The following TUT4 variants were observed in gnomAD, a reference collection of about 807,000 sequenced individuals.
TUT4 encodes the protein terminal uridylyl transferase 4, also known as terminal uridylyltransferase 4.
TUT4 carries 36 observed loss-of-function variants against 192.2 expected under a neutral mutation model. The ratio of observed to expected loss-of-function variants is 0.19; its 90% CI spans 0.14 to 0.25. TUT4 has a LOEUF of 0.25. Among genes scored for constraint, TUT4 ranks in the 10% least tolerant of loss-of-function variants. The pLI is 1.00. For missense variants in TUT4, 1,493 were observed against 1,957.2 expected (o/e 0.76, Z 4.47); for synonymous variants, 618 against 666.0 (o/e 0.93, Z 1.11).
rs182154845 is a variant in TUT4, at chr1:52,482,080, T to C, written c.1516-157A>G. ...AAATATCATCACTCTAAAATAACCA[T>C]TAAAATGTTGATGATCATTTTTTTC... On this transcript the variant is annotated intron_variant, in intron 9 of 29. Coordinates refer to ENST00000257177, the MANE Select transcript of TUT4 (RefSeq NM_001009881.3). 9.3e-4 allele frequency among the ~76,000 whole-genome samples: 141 copies of C among 152,310 alleles called. 3 individuals are homozygous for C. In the East Asian group the frequency reaches 0.018, roughly 19 times the overall value.
chr1:52,519,486 T>C (rs548049066), intron 2 of TUT4, among the ~76,000 whole-genome samples: 2 of 152,200 alleles, frequency 1.3e-5, no homozygotes, highest in South Asian at 2.1e-4. Context: ...ACTGAACACT[T>C]AATACTTAGA....
rs534101899 is a variant in TUT4, at chr1:52,488,894, C to G, written c.1515+15G>C. The G allele has an allele frequency of 8.4e-5, 133 of 1,585,910 alleles. 4 individuals carry two copies. The South Asian group carries it at 1.5e-3, about 18-fold the overall frequency. On this transcript the variant is annotated intron_variant, in intron 9 of 29. Transcript: ENST00000257177. Reference sequence around the variant, plus strand: ...CTAAAAATATAAATAAGTAGTTTTCCTCTCTTTCACTTACCTTAGCCCAGT... The same window carrying G: ...CTAAAAATATAAATAAGTAGTTTTCGTCTCTTTCACTTACCTTAGCCCAGT...
intron 24 of TUT4, among the ~76,000 whole-genome samples, chr1:52,444,436 C>G (rs544394190): frequency 6.6e-6 from 1 of 152,008 alleles, no homozygotes; most frequent in East Asian, 1.9e-4. Flanking sequence ...TATTCTACCC[C>G]CAAGAAATAA....
chr1:52,457,204 T>C (rs1467138573), intron 20 of TUT4, among the ~76,000 whole-genome samples: 4 of 152,086 alleles, frequency 2.6e-5, no homozygotes, highest in African/African-American at 9.7e-5. Flanking sequence ...ACCTACTATA[T>C]GGCTTATAAT....
rs201375175 is a variant in TUT4, at chr1:52,468,250, A to T, written c.2896T>A (p.Cys966Ser). 83 of 1,602,428 alleles carry T rather than the reference A, an allele frequency of 5.2e-5. No homozygotes were observed. The highest frequency in any genetic ancestry group is 6.8e-5 in the Non-Finnish European group (80 of 1,177,434). The change falls in exon 15 of 30, where the codon TGT (cysteine) becomes AGT (serine). Residue 966 changes from cysteine (C) to serine (S), a missense_variant. Coordinates refer to ENST00000257177, the MANE Select transcript of TUT4 (RefSeq NM_001009881.3). ...TGCTCCCTGTTGTGTTGTTCAGAAC[A>T]AGGTGGTGATAACTCATCTGGGTTT... ...KRCFDELSPP[C>S]SEQHNREQIL...
intron 16 of TUT4, chr1:52,462,966 T>C (rs1386603038): frequency 1.0e-6 from 1 of 985,308 alleles, no homozygotes; most frequent in East Asian, 1.1e-4. Flanking sequence ...GCAGGAGCCA[T>C]TGCAGCTAAA....
chr1:52,505,418 CTTTTTTTTTTT>C (rs35140317), intron 4 of TUT4, among the ~76,000 whole-genome samples: 1 of 109,536 alleles, frequency 9.1e-6, no homozygotes, highest in Non-Finnish European at 1.8e-5. Context: ...TTTGCTTAGA[CTTTTTTTTTTT>C]TTTTTTTTTT....
intron 12 of TUT4, among the ~76,000 whole-genome samples, chr1:52,476,959 T>C (rs1667249685): frequency 6.6e-6 from 1 of 152,210 alleles, no homozygotes; most frequent in Non-Finnish European, 1.5e-5. Flanking sequence ...TCTCCAAAGA[T>C]CTTAATGGTC....
chr1:52,510,889 G>C (rs762035871), intron 3 of TUT4, among the ~76,000 whole-genome samples: 2 of 152,096 alleles, frequency 1.3e-5, no homozygotes, highest in East Asian at 3.8e-4. Context: ...AACATTCTAC[G>C]CAGATTACAC....
chr1:52,458,461 C>T lies in TUT4; in HGVS notation c.3322-12G>A. ...CCAATGTCACATCGCTAAAAAACAA[C>T]ATGATTGAAAACAAAACTTCAGAGT... is the stretch of plus-strand genomic sequence containing the variant. On this transcript the variant is annotated splice_polypyrimidine_tract_variant and intron_variant, in intron 19 of 29. Coordinates refer to ENST00000257177, the MANE Select transcript of TUT4 (RefSeq NM_001009881.3). 6.3e-7 allele frequency: 1 copy of T among 1,597,162 alleles called. No homozygotes were observed. The highest frequency in any genetic ancestry group is 8.6e-7 in the Non-Finnish European group (1 of 1,167,232).
chr1:52,475,559 T>C (rs1435325429), intron 12 of TUT4, 24 bp from the exon 13 acceptor site: 2 of 1,564,522 alleles, frequency 1.3e-6, no homozygotes, highest in South Asian at 1.2e-5. Flanking sequence ...AAATGGTAAA[T>C]AGCTAAGTCT....
intron 16 of TUT4, 183 bp from the exon 17 acceptor site, chr1:52,461,952 A>C: frequency 4.6e-6 from 2 of 434,122 alleles, no homozygotes; most frequent in Non-Finnish European, 8.3e-6. Flanking sequence ...CTTGATAGAA[A>C]TGCAGAATCT....
At chr1:52,523,177 G>A (rs967872733) in intron 2 of TUT4, among the ~76,000 whole-genome samples, 7 of 151,364 alleles carry the variant, frequency 4.6e-5, no homozygotes, top group South Asian at 2.1e-4. Flanking sequence ...ATTTTTAGTA[G>A]AGATGGGATT....
At chr1:52,548,994 T>C (rs1215283653) in intron 1 of TUT4, among the ~76,000 whole-genome samples, 1 of 152,138 alleles carries the variant, frequency 6.6e-6, no homozygotes, top group Non-Finnish European at 1.5e-5. Flanking sequence ...GGTGTTTTCA[T>C]CCCAAAAGAC....
Position 52,472,044 on chromosome 1 carries a change from G to C in TUT4, c.2786C>G (p.Pro929Arg). 1 of 1,613,754 alleles carries C rather than the reference G, an allele frequency of 6.2e-7. No homozygotes were observed. Among genetic ancestry groups the C allele is most frequent in the Non-Finnish European group, 8.5e-7 (1 of 1,179,858 alleles). ...TAAATCAATTTTCCTAAAATCCTCTGGGCAATCATTCTTTGAATGGCCATC... is the reference window on the plus strand; with the variant it reads ...TAAATCAATTTTCCTAAAATCCTCTCGGCAATCATTCTTTGAATGGCCATC... ...KKDGHSKNDCPEDFRKIDLKP... is the reference protein window; with the variant it reads ...KKDGHSKNDCREDFRKIDLKP... The change falls in exon 14 of 30, where the codon CCA becomes CGA. Residue 929 changes from proline (P) to arginine (R), a missense_variant. Pro to Arg is a moderately radical substitution (Grantham distance 103). Around this residue, in one of 7 missense-constraint regions of TUT4, gnomAD observed 59 missense variants for 114.3 expected, o/e 0.52. Coordinates refer to ENST00000257177, the MANE Select transcript of TUT4 (RefSeq NM_001009881.3).
At chr1:52,451,277 AAATAAG>A (rs893687505) in intron 20 of TUT4, among the ~76,000 whole-genome samples, 14 of 152,080 alleles carry the variant, frequency 9.2e-5, no homozygotes, top group Middle Eastern at 3.4e-3. Flanking sequence ...AAAAAAAAAA[AAATAAG>A]AATAAGAATA....
At chr1:52,548,999 A>G (rs1322957954) in intron 1 of TUT4, among the ~76,000 whole-genome samples, 1 of 152,208 alleles carries the variant, frequency 6.6e-6, no homozygotes, top group Non-Finnish European at 1.5e-5. Flanking sequence ...TTTCATCCCA[A>G]AAGACTTTTC....
Position 52,450,754 on chromosome 1 carries a change from T to C in TUT4, c.3436-4087A>G, listed in dbSNP as rs141155262. ...TAGAATTAGGATTCTGACTAGTTAT[T>C]TCTGGCTCTAAATACCATGCCTTGG... On this transcript the variant is annotated intron_variant, in intron 20 of 29. Coordinates refer to ENST00000257177, the MANE Select transcript of TUT4 (RefSeq NM_001009881.3). Among the ~76,000 whole-genome samples, 767 of 152,254 alleles carry C rather than the reference T, an allele frequency of 5.0e-3. 8 individuals are homozygous for C. Among genetic ancestry groups the C allele is most frequent in the African/African-American group, 0.017 (710 of 41,548 alleles).
chr1:52,494,423 G>T (rs1482195513), intron 6 of TUT4, among the ~76,000 whole-genome samples: 1 of 152,148 alleles, frequency 6.6e-6, no homozygotes, highest in Non-Finnish European at 1.5e-5. Flanking sequence ...CAGGTGCGGT[G>T]GCTCACACCT....
Sources: gnomAD v4.1 joint callset for allele counts (sites outside exome capture counted in the v4.1 genomes callset) on GRCh38, gnomAD v4.1.1 for gene constraint, gnomAD v4.1.1 regional missense constraint, MANE v1.5 for transcripts, NCBI Gene and HGNC (gene_info 2026-07-23, HGNC 2026-07-21) for gene names.